NAV1: variants seen among roughly 807,000 people sequenced by gnomAD.
NAV1 encodes the protein pore membrane and/or filament interacting like protein 3.
In NAV1, 18 loss-of-function variants were observed where a neutral mutation model predicts 175.2. The observed-to-expected ratio is 0.10, with a 90% CI of 0.07 to 0.15. The LOEUF is 0.15. Among genes scored for constraint, NAV1 ranks in the 10% least tolerant of loss-of-function variants. The pLI is 1.00. For missense variants in NAV1, 1,731 were observed against 2,436.6 expected (o/e 0.71, Z 6.10); for synonymous variants, 897 against 978.7 (o/e 0.92, Z 1.56).
intron 1 of NAV1, among the ~76,000 whole-genome samples, chr1:201,559,806 G>C (rs1039235353): frequency 3.9e-5 from 6 of 152,328 alleles, no homozygotes; most frequent in Non-Finnish European, 7.3e-5. Flanking sequence ...TGTCTGCATG[G>C]CCTTGCATCT....
intron 2 of NAV1, among the ~76,000 whole-genome samples, chr1:201,605,150 C>A (rs1667639314): frequency 6.6e-6 from 1 of 150,798 alleles, no homozygotes; most frequent in African/African-American, 2.4e-5. Context: ...TTTTTCCTTC[C>A]CCCTGATCCT....
At chr1:201,689,662 ATGGAGATCTACC>A (rs1670822827) in intron 1 of NAV1, among the ~76,000 whole-genome samples, 1 of 152,172 alleles carries the variant, frequency 6.6e-6, no homozygotes, top group Admixed American at 6.5e-5. Context: ...GGTAACACAT[ATGGAGATCTACC>A]TGTCCTGTGG....
intron 3 of NAV1, among the ~76,000 whole-genome samples, chr1:201,729,634 C>T (rs965038409): frequency 4.6e-5 from 7 of 151,446 alleles, no homozygotes; most frequent in African/African-American, 1.7e-4. Context: ...TGGCCAGGTG[C>T]GGTGGCTCAC....
chr1:201,587,378 A>G (rs1667065307), intron 1 of NAV1, among the ~76,000 whole-genome samples: 1 of 152,212 alleles, frequency 6.6e-6, no homozygotes, highest in African/African-American at 2.4e-5. Flanking sequence ...ACAAGGGTCT[A>G]GTATCTAGAA....
Position 201,782,177 on chromosome 1 carries a change from C to A in NAV1, c.1665C>A (p.Gly555=). The change falls in exon 6 of 30, where the codon GGC becomes GGA. Residue 555 remains glycine, a splice_region_variant and synonymous_variant. Coordinates refer to ENST00000367296, the Ensembl canonical transcript of NAV1. The surrounding 1 kb of genome is among the most constrained non-coding windows in gnomAD (Gnocchi z 5.4). ...TTCTCATTTCCCGTCCTCTTGCAGG[C>A]AAACCTGAGGGCAAAGCTACAGACA... 1 of 1,574,230 alleles carries A rather than the reference C, an allele frequency of 6.4e-7. No individual in the cohort carries two copies. The highest frequency in any genetic ancestry group is 8.6e-7 in the Non-Finnish European group (1 of 1,160,904).
chr1:201,627,952 G>A (rs1429049527), intron 1 of NAV1, among the ~76,000 whole-genome samples: 2 of 151,782 alleles, frequency 1.3e-5, no homozygotes, highest in Non-Finnish European at 2.9e-5. Context: ...CAGCCTGGGC[G>A]ACATGGCAAA....
intron 2 of NAV1, among the ~76,000 whole-genome samples, chr1:201,642,521 CTTTTTTTCTT>C (rs1668805767): frequency 1.0e-5 from 1 of 97,802 alleles, no homozygotes; most frequent in African/African-American, 6.5e-5. Flanking sequence ...CTCTTTCTTT[CTTTTTTTCTT>C]TCTTTCTTTC....
At chr1:201,727,912 G>T (rs1286900980) in intron 3 of NAV1, among the ~76,000 whole-genome samples, 1 of 152,154 alleles carries the variant, frequency 6.6e-6, no homozygotes, top group East Asian at 1.9e-4. Context: ...CTGCACATAG[G>T]CTGAGAGGAA....
intron 13 of NAV1, chr1:201,791,933 A>G (rs1460952285): frequency 6.6e-6 from 1 of 152,156 alleles, no homozygotes; most frequent in Admixed American, 6.5e-5. Flanking sequence ...GGCCTGGGTC[A>G]CGTCCTGCAC....
chr1:201,748,269 G>C (rs1188180028), intron 3 of NAV1, among the ~76,000 whole-genome samples: 1 of 152,144 alleles, frequency 6.6e-6, no homozygotes, highest in African/African-American at 2.4e-5. Context: ...TTTTCACGTG[G>C]TTTATAGCAA....
In NAV1 at chr1:201,615,411, C is replaced by T. The variant is rs189815505; in HGVS notation, c.-32-7442C>T. 4.9e-3 allele frequency among the ~76,000 whole-genome samples: 738 copies of T among 152,140 alleles called. 9 individuals are homozygous for T. The highest frequency in any genetic ancestry group is 0.017 in the African/African-American group (701 of 41,490). ...TCCCGAATAGCTGGGATTTCAGGCA[C>T]CTGCCACCGCACCTGGCTAATTTTT... On this transcript the variant is annotated intron_variant, in intron 2 of 33. Coordinates refer to the NAV1 transcript ENST00000685211.
At chr1:201,790,974 T>G (rs1175401346) in intron 13 of NAV1, 10 of 578,700 alleles carry the variant, frequency 1.7e-5, no homozygotes, top group Middle Eastern at 9.3e-4. Flanking sequence ...CCATTTTGCT[T>G]CTACTCTAAT....
At chr1:201,800,363 A>G (rs894558955) in intron 15 of NAV1, among the ~76,000 whole-genome samples, 3 of 152,178 alleles carry the variant, frequency 2.0e-5, no homozygotes, top group Non-Finnish European at 2.9e-5. Context: ...AAAGCAATGC[A>G]TGTTCTGAGG....
chr1:201,804,052 C>T (rs1489151593), intron 16 of NAV1: 3 of 502,312 alleles, frequency 6.0e-6, no homozygotes, highest in Non-Finnish European at 7.7e-6. Flanking sequence ...CCCCCCATTC[C>T]CTTCTATACT....
chr1:201,591,363 G>T (rs915531814), intron 2 of NAV1, among the ~76,000 whole-genome samples: 8 of 152,174 alleles, frequency 5.3e-5, no homozygotes, highest in Non-Finnish European at 2.9e-5. Flanking sequence ...TCTGTGCTCA[G>T]AGGGCCTCTT....
At chr1:201,708,568 G>C (rs1162140539) in intron 1 of NAV1, among the ~76,000 whole-genome samples, 1 of 152,164 alleles carries the variant, frequency 6.6e-6, no homozygotes, top group Non-Finnish European at 1.5e-5. Flanking sequence ...ATCCTGGCTG[G>C]TATCATGTGA....
At chr1:201,794,166 T>G (rs1345492633) in intron 14 of NAV1, 2 of 654,232 alleles carry the variant, frequency 3.1e-6, no homozygotes, top group Non-Finnish European at 5.6e-6. Flanking sequence ...GTTTTCTTTT[T>G]TTGAGATGGA....
At chr1:201,691,479 A>G (rs1670940796) in intron 1 of NAV1, among the ~76,000 whole-genome samples, 1 of 152,256 alleles carries the variant, frequency 6.6e-6, no homozygotes, top group Admixed American at 6.5e-5. Context: ...GAAAGTGCAG[A>G]GAATGCTCAT....
At chr1:201,587,978 G>T (rs1041885106) in intron 1 of NAV1, among the ~76,000 whole-genome samples, 2 of 152,204 alleles carry the variant, frequency 1.3e-5, no homozygotes, top group African/African-American at 4.8e-5. Flanking sequence ...ATGTAAAATG[G>T]CGCAGCAGCT....
Sources: gnomAD v4.1 joint callset for allele counts (sites outside exome capture counted in the v4.1 genomes callset) on GRCh38, gnomAD v4.1.1 for gene constraint, Gnocchi (gnomAD v3.1) non-coding constraint, MANE v1.5 for transcripts, NCBI Gene and HGNC (gene_info 2026-07-23, HGNC 2026-07-21) for gene names.